The following PCCA variants were observed in gnomAD, a reference collection of about 807,000 sequenced individuals.
The protein encoded by PCCA is propionyl-CoA carboxylase alpha chain, mitochondrial.
In PCCA, 74 loss-of-function variants were observed where a neutral mutation model predicts 101.3. The ratio of observed to expected loss-of-function variants is 0.73; its 90% CI spans 0.61 to 0.89. The LOEUF (loss-of-function observed/expected upper bound fraction) is 0.89. PCCA is among the 40% of genes least tolerant of loss of function. PCCA has a pLI of 0.00. For missense variants in PCCA, 891 were observed against 907.0 expected (o/e 0.98, Z 0.23); for synonymous variants, 294 against 313.6 (o/e 0.94, Z 0.66).
chr13:100,330,698 G>GT (rs1416223482), intron 17 of PCCA, 27 bp downstream of exon 17: 1 of 1,295,894 alleles, frequency 7.7e-7, no homozygotes, highest in South Asian at 1.2e-5. Context: ...ATATTTTAGT[G>GT]TTTTAAAGTT....
At chr13:100,157,530 A>G (rs1229414194) in intron 6 of PCCA, among the ~76,000 whole-genome samples, 190 bp downstream of exon 6, 5 of 152,248 alleles carry the variant, frequency 3.3e-5, no homozygotes, top group Non-Finnish European at 5.9e-5. Context: ...TTATAAAAAC[A>G]GAAAAGTTTA....
At chr13:100,387,966 T>C (rs1367130313) in intron 19 of PCCA, among the ~76,000 whole-genome samples, 1 of 152,236 alleles carries the variant, frequency 6.6e-6, no homozygotes, top group Non-Finnish European at 1.5e-5. Flanking sequence ...TATATTACAG[T>C]TGGCAAATAC....
At chr13:100,271,237 C>T (rs2063294308) in intron 11 of PCCA, among the ~76,000 whole-genome samples, 1 of 151,916 alleles carries the variant, frequency 6.6e-6, no homozygotes, top group Admixed American at 6.6e-5. Flanking sequence ...ATTTTGTCAG[C>T]CAGTTATTGT....
intron 20 of PCCA, among the ~76,000 whole-genome samples, chr13:100,435,230 G>A (rs956409051): frequency 6.6e-6 from 1 of 152,166 alleles, no homozygotes; most frequent in African/African-American, 2.4e-5. Flanking sequence ...CAGTCATGGT[G>A]GAGGCAAAGC....
In PCCA at chr13:100,302,972, T is replaced by A; in HGVS notation, c.1258T>A (p.Tyr420Asn). The A allele has an allele frequency of 6.2e-7, 1 of 1,604,560 alleles. No individual in the cohort carries two copies. Residue 420 changes from tyrosine (Y) to asparagine (N), a missense_variant, in exon 14 of 24, where the codon TAC becomes AAC. Transcript: ENST00000376285. ...ACCATCTATTGGGAGATTGTCTCAG[T>A]ACCAAGAACCGTTACATCTACCTGG... Reference protein sequence around the residue: ...GLPSIGRLSQYQEPLHLPGVR... With the variant: ...GLPSIGRLSQNQEPLHLPGVR...
intron 19 of PCCA, among the ~76,000 whole-genome samples, chr13:100,398,424 A>G (rs1329821796): frequency 6.6e-6 from 1 of 152,182 alleles, no homozygotes; most frequent in Non-Finnish European, 1.5e-5. Context: ...CAAAAAATAT[A>G]CGCACTTGCT....
intron 21 of PCCA, among the ~76,000 whole-genome samples, chr13:100,497,557 C>T (rs2085363876): frequency 6.6e-6 from 1 of 151,718 alleles, no homozygotes; most frequent in Non-Finnish European, 1.5e-5. Flanking sequence ...CTTTTCCAGG[C>T]TCCTGTCAAG....
chr13:100,153,876 A>G (rs562512896), intron 4 of PCCA, among the ~76,000 whole-genome samples: 19 of 152,242 alleles, frequency 1.2e-4, no homozygotes, highest in Admixed American at 1.2e-3. Flanking sequence ...TACTCAATAT[A>G]ATTTTTTACT....
At chr13:100,406,952 C>A (rs2077719762) in intron 19 of PCCA, among the ~76,000 whole-genome samples, 1 of 152,086 alleles carries the variant, frequency 6.6e-6, no homozygotes. Context: ...TTGAGAGGAC[C>A]TGTTAAAATT....
chr13:100,293,093 A>C, intron 12 of PCCA: 1 of 374,208 alleles, frequency 2.7e-6, no homozygotes. Flanking sequence ...GAGAGGAATA[A>C]AATCTTAATA....
chr13:100,251,522 C>T (rs1193798861), intron 8 of PCCA, among the ~76,000 whole-genome samples: 1 of 152,112 alleles, frequency 6.6e-6, no homozygotes, highest in East Asian at 1.9e-4. Context: ...AGGCAAAGAT[C>T]TTTGTCTTTA....
At chr13:100,291,466 T>C (rs1186213097) in intron 12 of PCCA, among the ~76,000 whole-genome samples, 1 of 152,238 alleles carries the variant, frequency 6.6e-6, no homozygotes, top group African/African-American at 2.4e-5. Context: ...TGCTACTTCT[T>C]AAGTTTTTAA....
intron 18 of PCCA, among the ~76,000 whole-genome samples, chr13:100,353,857 GT>G (rs1416026636): frequency 6.6e-6 from 1 of 151,948 alleles, no homozygotes; most frequent in Non-Finnish European, 1.5e-5. Flanking sequence ...GGAGGCTGAG[GT>G]TGGGGAATTG....
intron 18 of PCCA, among the ~76,000 whole-genome samples, chr13:100,362,380 G>A (rs2074716084): frequency 1.3e-5 from 2 of 152,312 alleles, no homozygotes; most frequent in South Asian, 4.1e-4. Context: ...AACTAATTTA[G>A]CATTTATGTG....
chr13:100,518,605 C>T (rs973521709), intron 22 of PCCA, among the ~76,000 whole-genome samples: 2 of 152,076 alleles, frequency 1.3e-5, no homozygotes, highest in African/African-American at 2.4e-5. Context: ...TTTCCGAACA[C>T]GTGGAGAGAG....
intron 16 of PCCA, among the ~76,000 whole-genome samples, chr13:100,323,464 C>T (rs2068296368): frequency 6.6e-6 from 1 of 152,070 alleles, no homozygotes; most frequent in South Asian, 2.1e-4. Context: ...ATTACAGGCG[C>T]CTGCCACCAC....
At chr13:100,432,518 C>G (rs1312006015) in intron 20 of PCCA, among the ~76,000 whole-genome samples, 1 of 152,136 alleles carries the variant, frequency 6.6e-6, no homozygotes, top group Non-Finnish European at 1.5e-5. Flanking sequence ...GTAATGAGAG[C>G]TAAACATGGA....
chr13:100,117,258 A>G (rs568968471), intron 4 of PCCA, among the ~76,000 whole-genome samples: 3 of 152,130 alleles, frequency 2.0e-5, no homozygotes, highest in Admixed American at 1.3e-4. Context: ...TTTCTGAAGC[A>G]TTTCTTCAAA....
At position 100,131,562 on chromosome 13, in the gene PCCA, C is replaced by A. The variant is rs539249018; in HGVS notation, c.300+19501C>A. Among the ~76,000 whole-genome samples, 6 of 152,254 alleles carry A rather than the reference C, an allele frequency of 3.9e-5. No homozygotes were observed. The East Asian group carries it at 1.2e-3, about 29-fold the overall frequency. On this transcript the variant is annotated intron_variant, in intron 4 of 23. Coordinates refer to ENST00000376285, the MANE Select transcript of PCCA (RefSeq NM_000282.4). ...CATTAAGCACATTCACATTGTTTTGCAGGATGAAAAGTTCTGGAAACGGGT... is the reference window on the plus strand; with the variant it reads ...CATTAAGCACATTCACATTGTTTTGAAGGATGAAAAGTTCTGGAAACGGGT...
Sources: gnomAD v4.1 joint callset for allele counts (sites outside exome capture counted in the v4.1 genomes callset) on GRCh38, gnomAD v4.1.1 for gene constraint, MANE v1.5 for transcripts, NCBI Gene and HGNC (gene_info 2026-07-23, HGNC 2026-07-21) for gene names.